STAC3: variants seen among roughly 807,000 people sequenced by gnomAD.
STAC3 encodes the protein SH3 and cysteine-rich domain-containing protein 3.
In STAC3, 30 loss-of-function variants were observed where a neutral mutation model predicts 48.5. That is an observed-to-expected ratio of 0.62 (90% CI 0.46 to 0.84). The LOEUF (loss-of-function observed/expected upper bound fraction) is 0.84. Among genes scored for constraint, STAC3 ranks in the 40% least tolerant of loss-of-function variants. The probability of loss-of-function intolerance (pLI) is 0.00; values close to 1 mark genes in which losing one functional copy is unlikely to be tolerated. For missense variants in STAC3, 419 were observed against 462.6 expected (o/e 0.91, Z 0.86); for synonymous variants, 144 against 158.6 (o/e 0.91, Z 0.69).
chr12:57,247,445 T>C (rs2037776553), intron 5 of STAC3, among the ~76,000 whole-genome samples: 1 of 140,248 alleles, frequency 7.1e-6, no homozygotes, highest in South Asian at 2.2e-4. Context: ...TTTTTTTTTT[T>C]TTTTTTGAGA....
At chr12:57,249,337 G>T in intron 2 of STAC3, 29 bp from the exon 3 acceptor site, 3 of 1,549,046 alleles carry the variant, frequency 1.9e-6, no homozygotes, top group Non-Finnish European at 2.6e-6. Context: ...AAAACCCAAT[G>T]TTAAAAGGAC....
At position 57,249,159 on chromosome 12, in the gene STAC3, CTCT is replaced by C. The variant is rs1345922805; in HGVS notation, c.213_215del (p.Glu76del). 8 of 1,613,722 alleles carry C rather than the reference CTCT, an allele frequency of 5.0e-6. No individual in the cohort carries two copies. Among genetic ancestry groups the C allele is most frequent in the Non-Finnish European group, 4.2e-6 (5 of 1,179,964 alleles). On this transcript the variant is annotated inframe_deletion, in exon 3 of 12. Coordinates refer to ENST00000332782, the MANE Select transcript of STAC3 (RefSeq NM_145064.3). ...GTTCTGGGGGTGGCTCCTCCTCCTC[CTCT>C]TCTTCCTCTTCCTCTTCCTCATAGA...
chr12:57,249,837 C>G (rs2037858998), intron 1 of STAC3, 200 bp from the exon 2 acceptor site: 5 of 527,256 alleles, frequency 9.5e-6, no homozygotes, highest in Admixed American at 9.1e-5. Flanking sequence ...CTCACTGCAG[C>G]CTCGACCTCC....
intron 6 of STAC3, 152 bp from the exon 7 acceptor site, chr12:57,245,363 C>CATT: frequency 1.5e-6 from 1 of 664,566 alleles, no homozygotes; most frequent in Non-Finnish European, 2.5e-6. Context: ...AGCCATCTGC[C>CATT]TAATGCAGGA....
chr12:57,248,796 G>A lies in STAC3; in HGVS notation c.342C>T (p.Asn114=), dbSNP rs1477308487. The A allele has an allele frequency of 1.2e-6, 2 of 1,613,912 alleles. No homozygotes were observed. Among genetic ancestry groups the A allele is most frequent in the South Asian group, 2.2e-5 (2 of 91,056 alleles). The change falls in exon 4 of 12, where the codon AAC becomes AAT. Residue 114 remains asparagine, a synonymous_variant. Coordinates refer to ENST00000332782, the MANE Select transcript of STAC3 (RefSeq NM_145064.3). ...DVCARMIVLN[N]KFGLRCKNCK... The stretch of plus-strand genomic sequence containing the variant: ...AGTTCTTACAGCGAAGCCCAAACTT[G>A]TTGTTGACTTGGGAAAGGGGGAGAA...
rs772368339 is a variant in STAC3 at position 57,248,239 on chromosome 12, T to A, written c.433-41A>T. On this transcript the variant is annotated intron_variant, in intron 4 of 11. Transcript: ENST00000332782. ...AGAGGAAGCATTAGAGGTAGCAAAG[T>A]AAGGTCCAGAAGCCTATCTCTCCCA... 15 of 1,524,112 alleles carry A rather than the reference T, an allele frequency of 9.8e-6. No homozygotes were observed. In the South Asian group the frequency reaches 1.6e-4, roughly 16 times the overall value. The allele number at this position is 1,524,112 out of a possible 1,614,324, so 94.4% of individuals were successfully genotyped here. A position where few individuals can be genotyped will look rare whatever the true frequency, so the allele number is the denominator to read the frequency against.
chr12:57,249,710 G>T, intron 1 of STAC3, 73 bp from the exon 2 acceptor site: 1 of 1,545,322 alleles, frequency 6.5e-7, no homozygotes, highest in Non-Finnish European at 8.9e-7. Context: ...CCTTGCAGTA[G>T]GGTGGTCCTC....
rs576532321 is a variant in STAC3 at position 57,251,151 on chromosome 12, C to T, written c.-160G>A. 5 of 454,862 alleles carry T rather than the reference C, an allele frequency of 1.1e-5. No homozygotes were observed. Among genetic ancestry groups the T allele is most frequent in the Non-Finnish European group, 2.2e-5 (5 of 226,724 alleles). 28.2% of individuals were successfully genotyped at this position (454,862 alleles called of 1,614,324 possible). A position where few individuals can be genotyped will look rare whatever the true frequency, so the allele number is the denominator to read the frequency against. ...CAGCTACCCAGTCGCTATTTGTAGA[C>T]CTCCTAGCCTCCTGCCTTGGTGTCA... On this transcript the variant is annotated 5_prime_UTR_variant, in exon 1 of 12. Coordinates refer to ENST00000332782, the MANE Select transcript of STAC3 (RefSeq NM_145064.3).
intron 5 of STAC3, 94 bp downstream of exon 5, chr12:57,248,026 CAGAAAG>C: frequency 9.2e-7 from 1 of 1,081,846 alleles, no homozygotes; most frequent in South Asian, 1.2e-5. Context: ...TTATGGGAAA[CAGAAAG>C]TTTCTGTTTC....
At chr12:57,244,441 C>T (rs1010367421) in intron 9 of STAC3, 75 bp from the exon 10 acceptor site, 6 of 1,612,782 alleles carry the variant, frequency 3.7e-6, no homozygotes, top group Non-Finnish European at 5.1e-6. Flanking sequence ...TCAATAGGCT[C>T]CAAGCCCTGA....
At chr12:57,245,008 C>T in intron 7 of STAC3, 43 bp from the exon 8 acceptor site, 1 of 1,612,152 alleles carries the variant, frequency 6.2e-7, no homozygotes, top group East Asian at 2.2e-5. Context: ...TCCTGGAGGG[C>T]AATTCTTATT....
chr12:57,246,952 C>T (rs1565781640), intron 5 of STAC3, 51 bp from the exon 6 acceptor site: 1 of 1,572,342 alleles, frequency 6.4e-7, no homozygotes, highest in Non-Finnish European at 8.7e-7. Context: ...CAGAGAAAGG[C>T]TTGGAGGAAA....
rs1219282123 is a variant in STAC3, at chr12:57,243,694, C to T, written c.*118G>A. The T allele has an allele frequency of 1.1e-6, 1 of 947,508 alleles. No homozygotes were observed. Among genetic ancestry groups the T allele is most frequent in the Middle Eastern group, 2.1e-4 (1 of 4,854 alleles). The allele number at this position is 947,508 out of a possible 1,614,324, so 58.7% of individuals were successfully genotyped here. A position where few individuals can be genotyped will look rare whatever the true frequency, so the allele number is the denominator to read the frequency against. On this transcript the variant is annotated 3_prime_UTR_variant, in exon 12 of 12. Coordinates refer to ENST00000332782, the MANE Select transcript of STAC3 (RefSeq NM_145064.3). Reference sequence around the variant, plus strand: ...TCCCGGAAGCCCCGTCGCGCTCAGGCGGGCCTTCCTACCCCTCCTCTCCCA... The same window carrying T: ...TCCCGGAAGCCCCGTCGCGCTCAGGTGGGCCTTCCTACCCCTCCTCTCCCA...
At position 57,251,040 on chromosome 12, in the gene STAC3, G is replaced by T. The variant is rs1245443295; in HGVS notation, c.-49C>A. The T allele has an allele frequency of 2.2e-5, 9 of 409,968 alleles. No homozygotes were observed. Among genetic ancestry groups the T allele is most frequent in the Non-Finnish European group, 4.0e-5 (8 of 202,032 alleles). 25.4% of individuals were successfully genotyped at this position (409,968 alleles called of 1,614,324 possible). A position where few individuals can be genotyped will look rare whatever the true frequency, so the allele number is the denominator to read the frequency against. ...CCACAGGCTGTAGAGGGAGCTGGGAGCCTCGAGGCCTTGATGGTGGTGCTG... is the reference window on the plus strand; with the variant it reads ...CCACAGGCTGTAGAGGGAGCTGGGATCCTCGAGGCCTTGATGGTGGTGCTG... On this transcript the variant is annotated 5_prime_UTR_variant, in exon 1 of 12. Coordinates refer to ENST00000332782, the MANE Select transcript of STAC3 (RefSeq NM_145064.3).
intron 6 of STAC3, among the ~76,000 whole-genome samples, chr12:57,246,429 C>T (rs2037743432): frequency 6.6e-6 from 1 of 151,362 alleles, no homozygotes; most frequent in Non-Finnish European, 1.5e-5. Context: ...CTTTCTCCCC[C>T]AGGCTGGAGT....
chr12:57,250,784 C>G (rs1291623963), intron 1 of STAC3, among the ~76,000 whole-genome samples: 1 of 152,092 alleles, frequency 6.6e-6, no homozygotes. Flanking sequence ...ATGAGCCTTT[C>G]CTTCCCTTAC....
At position 57,245,126 on chromosome 12, in the gene STAC3, G is replaced by A. The variant is rs557937896; in HGVS notation, c.670+19C>T. ...CTCTGATCCTACTCCATCTCTGGAT[G>A]GAGGTGGGTAACACTCACCATCCTG... On this transcript the variant is annotated intron_variant, in intron 7 of 11. Coordinates refer to ENST00000332782, the MANE Select transcript of STAC3 (RefSeq NM_145064.3). 18 of 1,613,752 alleles carry A rather than the reference G, an allele frequency of 1.1e-5. No homozygotes were observed. Among genetic ancestry groups the A allele is most frequent in the Middle Eastern group, 1.7e-4 (1 of 6,060 alleles).
At chr12:57,248,682 C>G (rs765743079) in intron 4 of STAC3, 24 bp downstream of exon 4, 3 of 1,595,416 alleles carry the variant, frequency 1.9e-6, no homozygotes, top group East Asian at 2.3e-5. Flanking sequence ...CATGTCCCCT[C>G]CTTGCTCTCC....
intron 1 of STAC3, among the ~76,000 whole-genome samples, chr12:57,250,517 C>A (rs559249398): frequency 1.2e-4 from 18 of 151,130 alleles, no homozygotes; most frequent in Admixed American, 2.6e-4. Context: ...ACACAGTGTT[C>A]AAAGCTGCGT....
Sources: allele counts gnomAD v4.1 joint callset (sites outside exome capture counted in the v4.1 genomes callset), GRCh38; gene constraint gnomAD v4.1.1; transcripts MANE v1.5; gene names NCBI Gene and HGNC (gene_info 2026-07-23, HGNC 2026-07-21).